RPS6KA3: variants seen among roughly 807,000 people sequenced by gnomAD.
The protein encoded by RPS6KA3 is ribosomal protein S6 kinase alpha-3.
In RPS6KA3, 4 loss-of-function variants were observed where a neutral mutation model predicts 67.2. The observed-to-expected ratio is 0.06, with a 90% CI of 0.03 to 0.14. RPS6KA3 has a LOEUF of 0.14. RPS6KA3 is among the 10% of genes least tolerant of loss of function. RPS6KA3 has a pLI of 1.00. For synonymous variants in RPS6KA3, 182 were observed against 183.7 expected, an observed-to-expected ratio of 0.99 and a Z score of 0.07; for missense variants, 204 against 559.0, an observed-to-expected ratio of 0.36 and a Z score of 6.40.
At chrX:20,199,892 C>A (rs5955592) in intron 4 of RPS6KA3, among the ~76,000 whole-genome samples, 2,575 of 112,132 alleles carry the variant, frequency 0.023, 70 homozygotes, top group African/African-American at 0.078. Flanking sequence ...AAAATTCTTT[C>A]TGACCTAGAA....
intron 9 of RPS6KA3, among the ~76,000 whole-genome samples, chrX:20,187,276 TG>T (rs1435709576): frequency 9.0e-6 from 1 of 110,753 alleles, no homozygotes; most frequent in African/African-American, 3.3e-5. Flanking sequence ...TGGAGTGCAA[TG>T]GCATGATCTT....
At chrX:20,257,934 T>C (rs2070117690) in intron 1 of RPS6KA3, among the ~76,000 whole-genome samples, 1 of 111,736 alleles carries the variant, frequency 8.9e-6, no homozygotes, top group Non-Finnish European at 1.9e-5. Context: ...ATTTGTGGGG[T>C]ATGTACCACC....
rs184682248 is a variant in RPS6KA3, at chrX:20,237,890, C to T, written c.70-3076G>A. 4.7e-3 allele frequency among the ~76,000 whole-genome samples: 522 copies of T among 111,499 alleles called. 6 individuals carry two copies. Among genetic ancestry groups the T allele is most frequent in the African/African-American group, 0.016 (499 of 30,787 alleles). ...TCAATACTACCAGGACAAGAATGTA[C>T]TACCTCACTAGGCACTATAATATCT... On this transcript the variant is annotated intron_variant, in intron 1 of 21. Coordinates refer to ENST00000379565, the MANE Select transcript of RPS6KA3 (RefSeq NM_004586.3).
intron 1 of RPS6KA3, among the ~76,000 whole-genome samples, chrX:20,252,764 G>A (rs1371344664): frequency 1.8e-5 from 2 of 111,200 alleles, no homozygotes; most frequent in African/African-American, 6.6e-5. Context: ...ACAGGGGAGG[G>A]TAGAGAAGGA....
At chrX:20,245,225 T>A (rs2069653436) in intron 1 of RPS6KA3, among the ~76,000 whole-genome samples, 1 of 112,154 alleles carries the variant, frequency 8.9e-6, no homozygotes, top group Non-Finnish European at 1.9e-5. Context: ...AGTTTTACGA[T>A]CTTCTATAAA....
chrX:20,183,704 G>A (rs1603424094), intron 10 of RPS6KA3, among the ~76,000 whole-genome samples: 1 of 111,704 alleles, frequency 9.0e-6, no homozygotes, highest in East Asian at 2.8e-4. Flanking sequence ...TTCCTATCTT[G>A]GTCTTCGAGA....
chrX:20,229,127 T>TC (rs889654903), intron 2 of RPS6KA3, among the ~76,000 whole-genome samples: 6 of 110,160 alleles, frequency 5.4e-5, no homozygotes, highest in East Asian at 2.8e-4. Context: ...TTTTTTTTTT[T>TC]CCCCTCACAG....
chrX:20,202,072 C>T (rs983552303), intron 4 of RPS6KA3, among the ~76,000 whole-genome samples: 6 of 106,046 alleles, frequency 5.7e-5, no homozygotes, highest in Non-Finnish European at 9.7e-5. Flanking sequence ...CTCCGCCCCC[C>T]GTGTTTAAGC....
chrX:20,206,600 C>G lies in RPS6KA3; in HGVS notation c.244-2497G>C, dbSNP rs139426430. Among the ~76,000 whole-genome samples, 370 of 112,397 alleles carry G rather than the reference C, an allele frequency of 3.3e-3. 2 individuals are homozygous for G. Among genetic ancestry groups the G allele is most frequent in the African/African-American group, 0.011 (352 of 30,943 alleles). ...TACAAGGCATGACCCTTCCTTCACT[C>G]ATGGAACATTTAGTCTAGTGGGGGA... On this transcript the variant is annotated intron_variant, in intron 3 of 21. Transcript: ENST00000379565.
chrX:20,172,545 C>T (rs1457930950), intron 15 of RPS6KA3, among the ~76,000 whole-genome samples: 2 of 111,440 alleles, frequency 1.8e-5, no homozygotes, highest in African/African-American at 6.5e-5. Flanking sequence ...ACTGCTACTG[C>T]TCTGGGAAAA....
chrX:20,229,799 T>C (rs2069215073), intron 2 of RPS6KA3, among the ~76,000 whole-genome samples: 2 of 112,103 alleles, frequency 1.8e-5, no homozygotes, highest in Admixed American at 9.5e-5. Context: ...CTAATTTGTA[T>C]AATCTGGAAT....
At chrX:20,188,044 A>C in intron 8 of RPS6KA3, 74 bp from the exon 9 acceptor site, 2 of 937,421 alleles carry the variant, frequency 2.1e-6, no homozygotes, top group East Asian at 3.1e-5. Context: ...TTCTGACATT[A>C]ATCATTTAAA....
chrX:20,238,914 G>A (rs2069482383), intron 1 of RPS6KA3, among the ~76,000 whole-genome samples: 1 of 111,614 alleles, frequency 9.0e-6, no homozygotes, highest in Admixed American at 9.5e-5. Flanking sequence ...TTTGGAAAAT[G>A]ACGGTTGGTT....
intron 10 of RPS6KA3, among the ~76,000 whole-genome samples, chrX:20,181,593 T>C (rs774357523): frequency 3.6e-5 from 4 of 112,085 alleles, no homozygotes; most frequent in Non-Finnish European, 7.5e-5. Flanking sequence ...ATATAAGCTC[T>C]GAAGACCACC....
At chrX:20,232,597 A>AC (rs1178508807) in intron 2 of RPS6KA3, among the ~76,000 whole-genome samples, 1 of 111,269 alleles carries the variant, frequency 9.0e-6, no homozygotes, top group Non-Finnish European at 1.9e-5. Context: ...AAACAAACAA[A>AC]AAACAAACAA....
chrX:20,260,090 T>A (rs1001527186), intron 1 of RPS6KA3, among the ~76,000 whole-genome samples: 2 of 111,635 alleles, frequency 1.8e-5, no homozygotes, highest in African/African-American at 6.5e-5. Flanking sequence ...TGTGACATAT[T>A]AATTTCCTTC....
At chrX:20,179,682 T>G (rs2067794188) in intron 10 of RPS6KA3, among the ~76,000 whole-genome samples, 1 of 106,801 alleles carries the variant, frequency 9.4e-6, no homozygotes, top group Middle Eastern at 4.8e-3. Context: ...ATTAAGTATT[T>G]ATTCTCTTTT....
At chrX:20,229,742 A>G (rs1444607518) in intron 2 of RPS6KA3, among the ~76,000 whole-genome samples, 3 of 112,386 alleles carry the variant, frequency 2.7e-5, no homozygotes, top group Non-Finnish European at 5.6e-5. Flanking sequence ...TGTATTTAAT[A>G]TCATTAAATA....
chrX:20,167,574 G>A lies in RPS6KA3; in HGVS notation c.1602+15C>T. 2 of 1,198,599 alleles carry A rather than the reference G, an allele frequency of 1.7e-6. No homozygotes were observed. Among genetic ancestry groups the A allele is most frequent in the Non-Finnish European group, 2.3e-6 (2 of 883,663 alleles). ...AAGTGTGTGTATGTACATATAGAGT[G>A]GTAAAAAGACTTACCCCTTGTGCGT... On this transcript the variant is annotated intron_variant, in intron 17 of 21. Coordinates refer to ENST00000379565, the MANE Select transcript of RPS6KA3 (RefSeq NM_004586.3).
Sources: allele counts gnomAD v4.1 joint callset (sites outside exome capture counted in the v4.1 genomes callset), GRCh38; gene constraint gnomAD v4.1.1; transcripts MANE v1.5; gene names NCBI Gene and HGNC (gene_info 2026-07-23, HGNC 2026-07-21).